ATP2A2: variants seen among roughly 807,000 people sequenced by gnomAD.
ATP2A2 encodes sarcoplasmic/endoplasmic reticulum calcium ATPase 2.
ATP2A2 carries 14 observed loss-of-function variants against 109.3 expected under a neutral mutation model. The ratio of observed to expected loss-of-function variants is 0.13; its 90% CI spans 0.08 to 0.20. The LOEUF is 0.20. Ranked by LOEUF, ATP2A2 falls within the 10% of genes least tolerant of loss-of-function variation. ATP2A2 has a pLI of 1.00. For synonymous variants in ATP2A2, 506 were observed against 490.9 expected (o/e 1.03, Z -0.41); for missense variants, 657 against 1,321.6 (o/e 0.50, Z 7.80).
chr12:110,326,637 G>A (rs1877831982), intron 7 of ATP2A2, among the ~76,000 whole-genome samples, 162 bp downstream of exon 7: 1 of 152,142 alleles, frequency 6.6e-6, no homozygotes, highest in South Asian at 2.1e-4. Context: ...CATAACGTGT[G>A]ACTTAGATGT....
chr12:110,333,977 C>T, intron 10 of ATP2A2, 35 bp from the exon 11 acceptor site: 1 of 1,613,732 alleles, frequency 6.2e-7, no homozygotes, highest in Middle Eastern at 1.7e-4. Flanking sequence ...GTACTTCTCC[C>T]TTTTTTCTAC....
chr12:110,319,223 G>GAAA (rs59623372), intron 5 of ATP2A2, among the ~76,000 whole-genome samples: 21 of 63,422 alleles, frequency 3.3e-4, no homozygotes, highest in Admixed American at 6.4e-4. Flanking sequence ...AATAAAAAAT[G>GAAA]AAAAAAAAAA....
chr12:110,324,890 C>T (rs1175247218), intron 6 of ATP2A2, among the ~76,000 whole-genome samples: 1 of 150,532 alleles, frequency 6.6e-6, no homozygotes, highest in African/African-American at 2.4e-5. Flanking sequence ...GATCTCAGCT[C>T]AGTGCAGCCT....
intron 5 of ATP2A2, among the ~76,000 whole-genome samples, chr12:110,306,674 G>A (rs1309683767): frequency 6.6e-6 from 1 of 152,108 alleles, no homozygotes; most frequent in Non-Finnish European, 1.5e-5. Flanking sequence ...CATTTTGCTG[G>A]AAAAGACATG....
intron 11 of ATP2A2, among the ~76,000 whole-genome samples, chr12:110,338,483 G>A (rs1234998992): frequency 6.6e-6 from 1 of 152,090 alleles, no homozygotes; most frequent in East Asian, 1.9e-4. Flanking sequence ...TTTTGAGATG[G>A]AGTTTGCTCT....
intron 4 of ATP2A2, 42 bp from the exon 5 acceptor site, chr12:110,296,557 G>A: frequency 6.2e-7 from 1 of 1,613,060 alleles, no homozygotes; most frequent in Non-Finnish European, 8.5e-7. Context: ...TAATTGCAGT[G>A]TCAGGCAGGT....
At position 110,327,507 on chromosome 12, in the gene ATP2A2, G is replaced by A; in HGVS notation, c.631-46G>A. On this transcript the variant is annotated intron_variant, in intron 7 of 19. Coordinates refer to ENST00000539276, the MANE Select transcript of ATP2A2 (RefSeq NM_170665.4). The surrounding 1 kb of genome is among the most constrained non-coding windows in gnomAD (Gnocchi z 4.4). Reference sequence around the variant, plus strand: ...AAAAACCAGCGTCGGTATTTAAGTTGGGATGTGGTATTCATCTTGTGACCA... The same window carrying A: ...AAAAACCAGCGTCGGTATTTAAGTTAGGATGTGGTATTCATCTTGTGACCA... 1 of 1,560,088 alleles carries A rather than the reference G, an allele frequency of 6.4e-7. No homozygotes were observed. Among genetic ancestry groups the A allele is most frequent in the African/African-American group, 1.4e-5 (1 of 73,776 alleles).
chr12:110,326,581 A>G (rs542913301), intron 7 of ATP2A2, 106 bp downstream of exon 7: 1 of 1,093,292 alleles, frequency 9.1e-7, no homozygotes, highest in Non-Finnish European at 1.4e-6. Context: ...CTAAAGGATA[A>G]TCACACTTTT....
intron 16 of ATP2A2, 63 bp from the exon 17 acceptor site, chr12:110,344,823 T>G: frequency 6.6e-7 from 1 of 1,508,690 alleles, no homozygotes. Flanking sequence ...CTGGCCTGCA[T>G]GGCCTCGGTG....
intron 5 of ATP2A2, among the ~76,000 whole-genome samples, chr12:110,309,925 G>T (rs1433859981): frequency 1.3e-5 from 2 of 150,034 alleles, no homozygotes; most frequent in East Asian, 1.9e-4. Context: ...AAAAAAAAGA[G>T]AAAGTGACCC....
rs116034712 is a variant in ATP2A2 at position 110,326,229 on chromosome 12, G to A, written c.545-161G>A. On this transcript the variant is annotated intron_variant, in intron 6 of 19. Coordinates refer to ENST00000539276, the MANE Select transcript of ATP2A2 (RefSeq NM_170665.4). ...TTCTGGTATTAATTTCCATTACTAA[G>A]TTTTCCCAGCTTACCTCCTTTGAAT... is the stretch of plus-strand genomic sequence containing the variant. 5,548 of 676,772 alleles carry A rather than the reference G, an allele frequency of 8.2e-3. 19 individuals are homozygous for A. Among genetic ancestry groups the A allele is most frequent in the Non-Finnish European group, 9.5e-3 (3,554 of 373,854 alleles). 41.9% of individuals were successfully genotyped at this position (676,772 alleles called of 1,614,324 possible).
chr12:110,343,535 C>A, intron 16 of ATP2A2, 101 bp downstream of exon 16: 1 of 1,344,326 alleles, frequency 7.4e-7, no homozygotes, highest in South Asian at 1.2e-5. Flanking sequence ...CTTCTATCCC[C>A]GTATAGGGTA....
At chr12:110,282,650 T>A (rs1394003963) in intron 2 of ATP2A2, 29 bp downstream of exon 2, 1 of 1,614,098 alleles carries the variant, frequency 6.2e-7, no homozygotes, top group Admixed American at 1.7e-5. Context: ...TTCTGTTTTT[T>A]TTCCTCTGTT....
At position 110,281,775 on chromosome 12, in the gene ATP2A2, CG is replaced by C; in HGVS notation, c.-12del. ...CGCGGGGACGGGAGGCGAGGCCGGC[CG>C]GGCCCCCGAAGCCATGGAGAACGCG... is the stretch of plus-strand genomic sequence containing the variant. On this transcript the variant is annotated 5_prime_UTR_variant, in exon 1 of 20. Coordinates refer to ENST00000539276, the MANE Select transcript of ATP2A2 (RefSeq NM_170665.4). 1.3e-6 allele frequency: 2 copies of C among 1,485,860 alleles called. No homozygotes were observed. The highest frequency in any genetic ancestry group is 1.8e-6 in the Non-Finnish European group (2 of 1,113,190). 92.0% of individuals were successfully genotyped at this position (1,485,860 alleles called of 1,614,324 possible).
chr12:110,325,987 G>GA (rs200380424), intron 6 of ATP2A2: 6,111 of 175,564 alleles, frequency 0.035, 1 homozygote, highest in South Asian at 0.087. Context: ...CCTCTGTCTC[G>GA]AAAAAAAAAA....
intron 5 of ATP2A2, among the ~76,000 whole-genome samples, chr12:110,303,105 G>A (rs977142424): frequency 2.0e-5 from 3 of 152,146 alleles, no homozygotes; most frequent in Admixed American, 6.5e-5. Flanking sequence ...CTGTTGTAAC[G>A]TTATCGTAAG....
chr12:110,319,741 G>C (rs1397293441), intron 5 of ATP2A2, among the ~76,000 whole-genome samples: 1 of 151,284 alleles, frequency 6.6e-6, no homozygotes, highest in Non-Finnish European at 1.5e-5. Context: ...GGTCCTGTAG[G>C]TGTATCTATT....
chr12:110,293,540 A>T (rs1873586037), intron 4 of ATP2A2, among the ~76,000 whole-genome samples: 1 of 151,142 alleles, frequency 6.6e-6, no homozygotes, highest in African/African-American at 2.4e-5. Flanking sequence ...GATTACAGGC[A>T]CGTGCCACCA....
chr12:110,323,182 C>T (rs1232452796), intron 6 of ATP2A2, 110 bp downstream of exon 6: 1 of 852,172 alleles, frequency 1.2e-6, no homozygotes, highest in African/African-American at 1.7e-5. Context: ...TCTTAATCCT[C>T]TCTAAGATAC....
Sources: allele counts gnomAD v4.1 joint callset (sites outside exome capture counted in the v4.1 genomes callset), GRCh38; gene constraint gnomAD v4.1.1; non-coding constraint Gnocchi (gnomAD v3.1); transcripts MANE v1.5; gene names NCBI Gene and HGNC (gene_info 2026-07-23, HGNC 2026-07-21).